The following DNAH12 variants were observed in gnomAD, a reference collection of about 807,000 sequenced individuals.
DNAH12 encodes axonemal beta dynein heavy chain 12.
DNAH12 carries 285 observed loss-of-function variants against 371.5 expected under a neutral mutation model. The observed-to-expected ratio is 0.77, with a 90% CI of 0.70 to 0.85. The LOEUF (loss-of-function observed/expected upper bound fraction) is 0.85, where lower values mean the gene tolerates loss of function less well. DNAH12 is among the 40% of genes least tolerant of loss of function. The pLI, the probability that DNAH12 is intolerant of heterozygous loss-of-function variation, is 0.00. For missense variants in DNAH12, 3,611 were observed against 3,689.4 expected (o/e 0.98, Z 0.55); for synonymous variants, 1,200 against 1,213.0 (o/e 0.99, Z 0.22).
intron 12 of DNAH12, among the ~76,000 whole-genome samples, chr3:57,486,741 G>T (rs1313612192): frequency 6.6e-6 from 1 of 152,070 alleles, no homozygotes; most frequent in Non-Finnish European, 1.5e-5. Flanking sequence ...GATCCCTTGA[G>T]CCCAGGAGTT....
intron 60 of DNAH12, among the ~76,000 whole-genome samples, chr3:57,343,372 T>G (rs1387924875): frequency 1.3e-5 from 2 of 152,200 alleles, no homozygotes; most frequent in African/African-American, 2.4e-5. Context: ...CAAAAACATG[T>G]GTTGTATAAA....
intron 59 of DNAH12, among the ~76,000 whole-genome samples, chr3:57,354,418 A>C (rs1321108545): frequency 6.6e-6 from 1 of 152,044 alleles, no homozygotes; most frequent in Non-Finnish European, 1.5e-5. Context: ...TGGGTGATGA[A>C]ATAATCTGTA....
chr3:57,495,186 A>G (rs748698320), intron 11 of DNAH12, among the ~76,000 whole-genome samples: 8 of 152,240 alleles, frequency 5.3e-5, no homozygotes, highest in African/African-American at 9.6e-5. Flanking sequence ...ATTGTATAAT[A>G]TGTGAATTAC....
chr3:57,352,342 G>T, intron 59 of DNAH12, 117 bp from the exon 60 acceptor site: 1 of 1,099,110 alleles, frequency 9.1e-7, no homozygotes, highest in Non-Finnish European at 1.3e-6. Context: ...AACGTATAAA[G>T]ATACACACAC....
intron 35 of DNAH12, among the ~76,000 whole-genome samples, chr3:57,422,269 C>T (rs927483634): frequency 6.6e-6 from 1 of 151,870 alleles, no homozygotes; most frequent in Non-Finnish European, 1.5e-5. Flanking sequence ...ACTCTCTCAC[C>T]CAGGCTGGAG....
At position 57,434,107 on chromosome 3, in the gene DNAH12, C is replaced by T. The variant is rs1248862063; in HGVS notation, c.4656-279G>A. 2.0e-5 allele frequency among the ~76,000 whole-genome samples: 3 copies of T among 152,268 alleles called. No homozygotes were observed. The East Asian group carries it at 5.8e-4, about 29-fold the overall frequency. ...CTGTGTACTCTTAAAAAAACTAAAC[C>T]TGAAGCCCACTAAGGAGAGAACTGG... On this transcript the variant is annotated intron_variant, in intron 30 of 73. Transcript: ENST00000495027.
Position 57,502,377 on chromosome 3 carries a change from T to A in DNAH12, c.1189A>T (p.Lys397Ter). The stretch of plus-strand genomic sequence containing the variant: ...TCTAAGTTCCGATGTACTGCTGCCT[T>A]CAGTGTATCAACAGCCCAGTGTAAC... Reference protein sequence around the residue: ...HVLHWAVDTLKAAVHRNLEGA... With the variant: ...HVLHWAVDTL The change falls in exon 10 of 74, where the codon AAG becomes TAG. Residue 397 changes from lysine to a stop codon, truncating the protein, a stop_gained. Transcript: ENST00000495027. LOFTEE classifies it high-confidence loss of function. 6.2e-7 allele frequency: 1 copy of A among 1,614,218 alleles called. No homozygotes were observed. Among genetic ancestry groups the A allele is most frequent in the Non-Finnish European group, 8.5e-7 (1 of 1,180,038 alleles).
intron 16 of DNAH12, among the ~76,000 whole-genome samples, chr3:57,469,221 C>T (rs1197106395): frequency 6.6e-5 from 10 of 152,050 alleles, no homozygotes; most frequent in Admixed American, 6.6e-4. Context: ...TTAACAGTAC[C>T]CACATAAAAT....
Position 57,519,713 on chromosome 3 carries a change from G to A in DNAH12, c.279+3870C>T, listed in dbSNP as rs2068338265. 8.1e-6 allele frequency: 13 copies of A among 1,611,088 alleles called. No homozygotes were observed. The South Asian group carries it at 9.9e-5, about 12-fold the overall frequency. On this transcript the variant is annotated intron_variant, in intron 4 of 73. Transcript: ENST00000495027. ...GCCACCCAGTCCTGCTGGCAGAGAG[G>A]GCAGCGATTGTTCTGTTTCACCCAC...
At chr3:57,535,901 A>C (rs1474147267) in intron 2 of DNAH12, among the ~76,000 whole-genome samples, 1 of 146,342 alleles carries the variant, frequency 6.8e-6, no homozygotes, top group Non-Finnish European at 1.5e-5. Context: ...CAGTGGCTCG[A>C]TCTCAGCTCA....
intron 51 of DNAH12, among the ~76,000 whole-genome samples, chr3:57,379,842 CAAAAAAAA>C (rs1170490495): frequency 4.5e-5 from 1 of 22,380 alleles, no homozygotes; most frequent in East Asian, 1.5e-3. Flanking sequence ...CTCTGTCTCC[CAAAAAAAA>C]AAAAAAAAAA....
At chr3:57,401,563 C>CAAAAAAA (rs71294714) in intron 43 of DNAH12, among the ~76,000 whole-genome samples, 12 of 67,992 alleles carry the variant, frequency 1.8e-4, no homozygotes, top group Middle Eastern at 9.1e-3. Flanking sequence ...GACTCCATCT[C>CAAAAAAA]AAAAAAAAAA....
chr3:57,436,004 TC>T (rs1377242538), intron 30 of DNAH12, among the ~76,000 whole-genome samples: 1 of 151,898 alleles, frequency 6.6e-6, no homozygotes, highest in Non-Finnish European at 1.5e-5. Flanking sequence ...AACAGTATTT[TC>T]TCTATTGCCC....
intron 13 of DNAH12, among the ~76,000 whole-genome samples, chr3:57,477,457 T>TA (rs2066575243): frequency 1.3e-5 from 2 of 152,062 alleles, no homozygotes; most frequent in Non-Finnish European, 2.9e-5. Flanking sequence ...GCACGGCAGC[T>TA]CAAGGAGGCC....
At chr3:57,542,550 T>C in intron 2 of DNAH12, 151 bp downstream of exon 2, 2 of 870,804 alleles carry the variant, frequency 2.3e-6, no homozygotes, top group Admixed American at 3.1e-5. Flanking sequence ...TTGCTACCAT[T>C]ACAATTACTT....
At chr3:57,339,090 C>T in intron 60 of DNAH12, among the ~76,000 whole-genome samples, 1 of 152,160 alleles carries the variant, frequency 6.6e-6, no homozygotes, top group East Asian at 1.9e-4. Flanking sequence ...CAACCCCGTG[C>T]TCTCTGAAAC....
chr3:57,529,043 A>C (rs1575738569), intron 2 of DNAH12, among the ~76,000 whole-genome samples: 1 of 151,978 alleles, frequency 6.6e-6, no homozygotes, highest in Non-Finnish European at 1.5e-5. Flanking sequence ...CAGGTGATCC[A>C]CCTGCCTCAG....
At chr3:57,335,697 C>T (rs995100541) in intron 60 of DNAH12, among the ~76,000 whole-genome samples, 4 of 152,208 alleles carry the variant, frequency 2.6e-5, no homozygotes. Flanking sequence ...ACCGCTGTTG[C>T]ATATGCAGTT....
intron 71 of DNAH12, among the ~76,000 whole-genome samples, chr3:57,296,638 T>C (rs1358193291): frequency 6.6e-6 from 1 of 152,210 alleles, no homozygotes; most frequent in African/African-American, 2.4e-5. Flanking sequence ...GTACTGTACC[T>C]CATAATTTTT....
Sources: gnomAD v4.1 joint callset for allele counts (sites outside exome capture counted in the v4.1 genomes callset) on GRCh38, gnomAD v4.1.1 for gene constraint, MANE v1.5 for transcripts, NCBI Gene and HGNC (gene_info 2026-07-23, HGNC 2026-07-21) for gene names.